TSPAN5: variants seen among roughly 807,000 people sequenced by gnomAD.
TSPAN5 encodes tetraspanin-5.
A neutral mutation model predicts 37.1 loss-of-function variants in TSPAN5; 10 were observed. That is an observed-to-expected ratio of 0.27 (90% CI 0.17 to 0.46). The LOEUF is 0.46. Among genes scored for constraint, TSPAN5 ranks in the 20% least tolerant of loss-of-function variants. The probability of loss-of-function intolerance (pLI) is 1.00; values close to 1 mark genes in which losing one functional copy is unlikely to be tolerated. For synonymous variants in TSPAN5, 110 were observed against 118.9 expected, an observed-to-expected ratio of 0.93 and a Z score of 0.48; for missense variants, 195 against 326.6, an observed-to-expected ratio of 0.60 and a Z score of 3.11.
intron 1 of TSPAN5, among the ~76,000 whole-genome samples, chr4:98,617,614 A>C (rs774139276): frequency 6.6e-6 from 1 of 152,300 alleles, no homozygotes; most frequent in Non-Finnish European, 1.5e-5. Context: ...AAGGTAGCAC[A>C]TGTCCTGCAA....
chr4:98,477,297 G>A (rs1441955682), intron 5 of TSPAN5, among the ~76,000 whole-genome samples: 1 of 152,246 alleles, frequency 6.6e-6, no homozygotes, highest in African/African-American at 2.4e-5. Flanking sequence ...GTTTGAGCTG[G>A]TGGGAAGGGC....
chr4:98,570,231 A>G (rs187698296), intron 1 of TSPAN5, among the ~76,000 whole-genome samples: 1 of 152,348 alleles, frequency 6.6e-6, no homozygotes, highest in Admixed American at 6.5e-5. Flanking sequence ...GTGGTAAAAA[A>G]CAAATAGCAA....
At position 98,470,880 on chromosome 4, in the gene TSPAN5, T is replaced by G. The variant is rs1380596513; in HGVS notation, c.*1642A>C. On this transcript the variant is annotated 3_prime_UTR_variant, in exon 8 of 8. Coordinates refer to ENST00000305798, the MANE Select transcript of TSPAN5 (RefSeq NM_005723.4). ...ACCTCGCTTAATTTCCACAAAGTATTCTAGCTGGCTGCCCAGTTATGTGCT... is the reference window on the plus strand; with the variant it reads ...ACCTCGCTTAATTTCCACAAAGTATGCTAGCTGGCTGCCCAGTTATGTGCT... 1 of 152,260 alleles carries G rather than the reference T, an allele frequency of 6.6e-6. No homozygotes were observed. Among genetic ancestry groups the G allele is most frequent in the African/African-American group, 2.4e-5 (1 of 41,464 alleles). The allele number at this position is 152,260 out of a possible 1,614,324, so 9.4% of individuals were successfully genotyped here. A position where few individuals can be genotyped will look rare whatever the true frequency, so the allele number is the denominator to read the frequency against.
intron 1 of TSPAN5, among the ~76,000 whole-genome samples, chr4:98,581,684 C>T (rs939913737): frequency 6.6e-5 from 10 of 152,096 alleles, no homozygotes; most frequent in South Asian, 2.1e-4. Flanking sequence ...TTTTGCTGCA[C>T]ATTAAAAAGA....
At position 98,498,644 on chromosome 4, in the gene TSPAN5, T is replaced by C. The variant is rs149667718; in HGVS notation, c.132+9034A>G. On this transcript the variant is annotated intron_variant, in intron 2 of 7. Coordinates refer to ENST00000305798, the MANE Select transcript of TSPAN5 (RefSeq NM_005723.4). ...AGCAGTTGCTGTGCTGTGACACCACTGCCCAGGGCCTGGGGGTGGAGTGTG... is the reference window on the plus strand; with the variant it reads ...AGCAGTTGCTGTGCTGTGACACCACCGCCCAGGGCCTGGGGGTGGAGTGTG... Among the ~76,000 whole-genome samples, 3 of 152,276 alleles carry C rather than the reference T, an allele frequency of 2.0e-5. No individual in the cohort carries two copies. In the East Asian group the frequency reaches 5.8e-4, roughly 30 times the overall value.
intron 5 of TSPAN5, 56 bp from the exon 6 acceptor site, chr4:98,476,516 C>A (rs1022984297): frequency 1.3e-6 from 2 of 1,559,776 alleles, no homozygotes; most frequent in African/African-American, 2.7e-5. Flanking sequence ...GAAAGCCCAC[C>A]TAGAAATGAG....
At chr4:98,629,757 A>T (rs1756700104) in intron 1 of TSPAN5, among the ~76,000 whole-genome samples, 1 of 152,248 alleles carries the variant, frequency 6.6e-6, no homozygotes, top group Non-Finnish European at 1.5e-5. Flanking sequence ...AAAACCCAGC[A>T]TTCAAAAAAC....
At chr4:98,533,802 G>A (rs185384885) in intron 1 of TSPAN5, among the ~76,000 whole-genome samples, 274 of 149,042 alleles carry the variant, frequency 1.8e-3, no homozygotes, top group Non-Finnish European at 3.3e-3. Flanking sequence ...CGCCCGCCTC[G>A]GCCTCCCAAA....
chr4:98,602,961 G>A (rs1370626280), intron 1 of TSPAN5, among the ~76,000 whole-genome samples: 1 of 152,212 alleles, frequency 6.6e-6, no homozygotes, highest in Non-Finnish European at 1.5e-5. Flanking sequence ...GCTGTATGCT[G>A]TAAAGTGGGG....
At chr4:98,523,836 A>C (rs1753906851) in intron 1 of TSPAN5, among the ~76,000 whole-genome samples, 1 of 152,232 alleles carries the variant, frequency 6.6e-6, no homozygotes, top group African/African-American at 2.4e-5. Flanking sequence ...CAGCCAAATG[A>C]GCCTGACCTC....
At chr4:98,578,281 C>T (rs961787529) in intron 1 of TSPAN5, among the ~76,000 whole-genome samples, 3 of 152,152 alleles carry the variant, frequency 2.0e-5, no homozygotes, top group Non-Finnish European at 2.9e-5. Context: ...AATTCATTCA[C>T]GGTACCCTTA....
intron 1 of TSPAN5, among the ~76,000 whole-genome samples, chr4:98,600,497 T>C (rs1423697055): frequency 6.6e-6 from 1 of 152,216 alleles, no homozygotes; most frequent in Non-Finnish European, 1.5e-5. Context: ...GTTTCAACAA[T>C]GTTCACAGCA....
chr4:98,521,893 C>T (rs1381362644), intron 1 of TSPAN5, among the ~76,000 whole-genome samples: 1 of 152,042 alleles, frequency 6.6e-6, no homozygotes, highest in Non-Finnish European at 1.5e-5. Context: ...CTAAGAAACA[C>T]AGGACATTTA....
chr4:98,548,868 C>T (rs974636042), intron 1 of TSPAN5, among the ~76,000 whole-genome samples: 2 of 148,566 alleles, frequency 1.3e-5, no homozygotes, highest in Admixed American at 6.8e-5. Flanking sequence ...TCCTTTTTAT[C>T]GCTGCATAGT....
intron 1 of TSPAN5, among the ~76,000 whole-genome samples, chr4:98,569,398 T>C (rs1755070833): frequency 6.6e-6 from 1 of 152,202 alleles, no homozygotes; most frequent in Non-Finnish European, 1.5e-5. Flanking sequence ...GGACCAAGGA[T>C]GTCCACTGGA....
At chr4:98,529,296 A>G (rs967929323) in intron 1 of TSPAN5, among the ~76,000 whole-genome samples, 1 of 152,262 alleles carries the variant, frequency 6.6e-6, no homozygotes, top group African/African-American at 2.4e-5. Flanking sequence ...TGTGCCCTCG[A>G]AAATCAATGA....
In TSPAN5 at chr4:98,472,567, G is replaced by T; in HGVS notation, c.762C>A (p.Ala254=). ...ALLQIFGICL[A]QNLVSDIEAV... ...CTTCGATATCGCTAACCAAATTCTGGGCCAGGCATATCCCAAATATCTGAG... is the reference window on the plus strand; with the variant it reads ...CTTCGATATCGCTAACCAAATTCTGTGCCAGGCATATCCCAAATATCTGAG... The change falls in exon 8 of 8, where the codon GCC becomes GCA. Residue 254 remains alanine, a synonymous_variant. Transcript: ENST00000305798. 6.2e-7 allele frequency: 1 copy of T among 1,613,740 alleles called. No homozygotes were observed. Among genetic ancestry groups the T allele is most frequent in the East Asian group, 2.2e-5 (1 of 44,858 alleles).
At chr4:98,657,385 A>C (rs1757314441) in intron 1 of TSPAN5, 1 of 45,694 alleles carries the variant, frequency 2.2e-5, no homozygotes, top group Admixed American at 2.3e-4. Flanking sequence ...AGGTTCCCCC[A>C]AACGGCCCGC....
chr4:98,604,686 C>T (rs931735470), intron 1 of TSPAN5, among the ~76,000 whole-genome samples: 2 of 152,128 alleles, frequency 1.3e-5, no homozygotes, highest in Non-Finnish European at 2.9e-5. Context: ...ATATCTGTTC[C>T]TAAGTGTGGA....
Sources: gnomAD v4.1 joint callset for allele counts (sites outside exome capture counted in the v4.1 genomes callset) on GRCh38, gnomAD v4.1.1 for gene constraint, MANE v1.5 for transcripts, NCBI Gene and HGNC (gene_info 2026-07-23, HGNC 2026-07-21) for gene names.